The following GRIP1 variants were observed in gnomAD, a reference collection of about 807,000 sequenced individuals.
The protein encoded by GRIP1 is glutamate receptor interacting protein 1, also known as glutamate receptor-interacting protein 1.
GRIP1 carries 45 observed loss-of-function variants against 129.9 expected under a neutral mutation model. The ratio of observed to expected loss-of-function variants is 0.35; its 90% CI spans 0.27 to 0.44. The LOEUF (loss-of-function observed/expected upper bound fraction) is 0.44, where lower values mean the gene tolerates loss of function less well. Ranked by LOEUF, GRIP1 falls within the 20% of genes least tolerant of loss-of-function variation. The pLI, the probability that GRIP1 is intolerant of heterozygous loss-of-function variation, is 1.00. For missense variants in GRIP1, 1,196 were observed against 1,396.8 expected (o/e 0.86, Z 2.29); for synonymous variants, 530 against 520.8 (o/e 1.02, Z -0.24).
intron 7 of GRIP1, among the ~76,000 whole-genome samples, chr12:66,495,388 T>G (rs1420975710): frequency 1.3e-5 from 2 of 152,292 alleles, no homozygotes; most frequent in East Asian, 3.9e-4. Context: ...TCCACTTAAT[T>G]AGCTTTGAGT....
chr12:66,748,860 T>C (rs2037036323), intron 1 of GRIP1, among the ~76,000 whole-genome samples: 2 of 152,214 alleles, frequency 1.3e-5, no homozygotes, highest in African/African-American at 4.8e-5. Context: ...AAAACATGCA[T>C]TCTATAAAAC....
chr12:66,410,977 T>A (rs1275208539), intron 15 of GRIP1, among the ~76,000 whole-genome samples: 1 of 152,138 alleles, frequency 6.6e-6, no homozygotes, highest in East Asian at 1.9e-4. Context: ...AGCCAGGGTT[T>A]TATGAATAGA....
At chr12:66,383,705 C>A (rs2056226230) in intron 19 of GRIP1, among the ~76,000 whole-genome samples, 1 of 152,182 alleles carries the variant, frequency 6.6e-6, no homozygotes, top group Non-Finnish European at 1.5e-5. Flanking sequence ...ATAACCATGG[C>A]AGACTACCTG....
At position 66,564,109 on chromosome 12, in the gene GRIP1, G is replaced by A. The variant is rs184610318; in HGVS notation, c.137-22159C>T. 9 of 156,378 alleles carry A rather than the reference G, an allele frequency of 5.8e-5. No homozygotes were observed. In the East Asian group the frequency reaches 1.7e-3, roughly 30 times the overall value. The allele number at this position is 156,378 out of a possible 1,614,324, so 9.7% of individuals were successfully genotyped here. The stretch of plus-strand genomic sequence containing the variant: ...TTTTTCAAGTTTGTGTTTTGCTTCA[G>A]TTGCCGCATCAATATCTCTGATTTT... On this transcript the variant is annotated intron_variant, in intron 2 of 24. Transcript: ENST00000359742.
At chr12:66,468,120 C>T (rs1466669105) in intron 7 of GRIP1, among the ~76,000 whole-genome samples, 1 of 152,184 alleles carries the variant, frequency 6.6e-6, no homozygotes, top group Non-Finnish European at 1.5e-5. Flanking sequence ...TCCCAGCCTC[C>T]CTTGCAGCAA....
chr12:66,928,448 C>A (rs934537846), intron 1 of GRIP1, among the ~76,000 whole-genome samples: 2 of 152,086 alleles, frequency 1.3e-5, no homozygotes, highest in Non-Finnish European at 2.9e-5. Context: ...ACTTTTAAAG[C>A]CCTTTCTTTG....
At chr12:66,798,312 C>T (rs556192779) in intron 1 of GRIP1, among the ~76,000 whole-genome samples, 7 of 152,014 alleles carry the variant, frequency 4.6e-5, no homozygotes, top group Non-Finnish European at 8.8e-5. Context: ...ATGTTACATC[C>T]GTGAAAGAGT....
chr12:66,647,434 T>C (rs905058532), intron 1 of GRIP1: 1 of 152,212 alleles, frequency 6.6e-6, no homozygotes, highest in East Asian at 1.9e-4. Flanking sequence ...TCCTCTAATA[T>C]ACACAGAAGC....
At chr12:66,991,816 T>C (rs1252645001) in intron 1 of GRIP1, among the ~76,000 whole-genome samples, 1 of 152,210 alleles carries the variant, frequency 6.6e-6, no homozygotes, top group South Asian at 2.1e-4. Context: ...ACCCTGGCAT[T>C]TGTCAAACTG....
At chr12:66,944,734 T>C (rs1167257736) in intron 1 of GRIP1, among the ~76,000 whole-genome samples, 2 of 152,126 alleles carry the variant, frequency 1.3e-5, no homozygotes, top group Non-Finnish European at 2.9e-5. Context: ...TACTGGGCCA[T>C]TTCACACCCT....
chr12:66,982,999 A>G (rs1373128573), intron 1 of GRIP1, among the ~76,000 whole-genome samples: 1 of 152,210 alleles, frequency 6.6e-6, no homozygotes, highest in African/African-American at 2.4e-5. Flanking sequence ...GAACAAAATC[A>G]GCTTTCATTA....
chr12:66,538,764 G>A (rs557097849), intron 4 of GRIP1, among the ~76,000 whole-genome samples: 6 of 151,430 alleles, frequency 4.0e-5, no homozygotes, highest in Middle Eastern at 3.4e-3. Flanking sequence ...CACCATGCCC[G>A]ACTAATTTTT....
intron 2 of GRIP1, among the ~76,000 whole-genome samples, chr12:66,590,608 C>T (rs535927454): frequency 4.6e-4 from 70 of 152,308 alleles, no homozygotes; most frequent in African/African-American, 1.5e-3. Flanking sequence ...ACAAGCAGAA[C>T]ATGTGAATGA....
chr12:66,434,016 A>C (rs758553629), intron 13 of GRIP1, among the ~76,000 whole-genome samples: 59 of 151,552 alleles, frequency 3.9e-4, no homozygotes, highest in Admixed American at 1.1e-3. Flanking sequence ...GAGAGAGAGG[A>C]CTCCCTTCTT....
At chr12:66,868,936 T>C (rs532270855) in intron 1 of GRIP1, among the ~76,000 whole-genome samples, 1 of 152,250 alleles carries the variant, frequency 6.6e-6, no homozygotes, top group South Asian at 2.1e-4. Flanking sequence ...GGAGGATGTT[T>C]AGAATAATTC....
At chr12:66,650,708 A>T (rs1242984365) in intron 1 of GRIP1, among the ~76,000 whole-genome samples, 1 of 152,220 alleles carries the variant, frequency 6.6e-6, no homozygotes, top group East Asian at 1.9e-4. Context: ...TTTGAAATAC[A>T]TAGAGCATAG....
intron 1 of GRIP1, among the ~76,000 whole-genome samples, chr12:66,935,544 G>A (rs182253679): frequency 2.0e-5 from 3 of 152,270 alleles, no homozygotes; most frequent in Admixed American, 6.5e-5. Context: ...GTTCAGTCGT[G>A]TGGCTAATGA....
chr12:66,521,781 GA>G (rs1240204108), intron 5 of GRIP1, among the ~76,000 whole-genome samples: 1 of 152,220 alleles, frequency 6.6e-6, no homozygotes, highest in African/African-American at 2.4e-5. Context: ...ACGGCACCTG[GA>G]AAATCGGGTC....
At position 67,032,008 on chromosome 12, in the gene GRIP1, C is replaced by T. The variant is rs533422587; in HGVS notation, c.58+37042G>A. Among the ~76,000 whole-genome samples the T allele has an allele frequency of 1.9e-3, 288 of 152,284 alleles. 1 individual carries two copies. Among genetic ancestry groups the T allele is most frequent in the African/African-American group, 6.3e-3 (262 of 41,574 alleles). The stretch of plus-strand genomic sequence containing the variant: ...TTTGTATGCCCTTCCAACATCTCCA[C>T]GGACTGCTGTCCTGTCCATGGTTAG... On this transcript the variant is annotated intron_variant, in intron 1 of 1. Coordinates refer to the GRIP1 transcript ENST00000643019.
Sources: allele counts gnomAD v4.1 joint callset (sites outside exome capture counted in the v4.1 genomes callset), GRCh38; gene constraint gnomAD v4.1.1; transcripts MANE v1.5; gene names NCBI Gene and HGNC (gene_info 2026-07-23, HGNC 2026-07-21).